Variants in DENND3 observed in about 807,000 individuals in gnomAD.
DENND3 encodes the protein DENN domain-containing protein 3.
A neutral mutation model predicts 135.1 loss-of-function variants in DENND3; 88 were observed. The observed-to-expected ratio is 0.65, with a 90% CI of 0.55 to 0.78. The LOEUF (loss-of-function observed/expected upper bound fraction) is 0.78. Among genes scored for constraint, DENND3 ranks in the 30% least tolerant of loss-of-function variants. DENND3 has a pLI of 0.00. For missense variants in DENND3, 1,392 were observed against 1,688.4 expected, an observed-to-expected ratio of 0.82 and a Z score of 3.08; for synonymous variants, 693 against 712.3, an observed-to-expected ratio of 0.97 and a Z score of 0.43.
Position 141,182,285 on chromosome 8 carries a change from T to C in DENND3, c.2944+1431T>C. The C allele has an allele frequency of 2.0e-6, 2 of 985,012 alleles. No homozygotes were observed. The highest frequency in any genetic ancestry group is 1.1e-4 in the East Asian group (1 of 8,810). 61.0% of individuals were successfully genotyped at this position (985,012 alleles called of 1,614,324 possible). A position where few individuals can be genotyped will look rare whatever the true frequency, so the allele number is the denominator to read the frequency against. The stretch of plus-strand genomic sequence containing the variant: ...GGCAGAGAAGCTGTGTGTGAAGCGA[T>C]TTCCCCATAAGAGAGTTTTTCTCTC... On this transcript the variant is annotated intron_variant, in intron 17 of 22. Coordinates refer to ENST00000519811, the MANE Select transcript of DENND3 (RefSeq NM_001352890.3). The surrounding 1 kb of genome is among the most constrained non-coding windows in gnomAD (Gnocchi z 5.9).
At chr8:141,169,505 G>A (rs147169758) in intron 13 of DENND3, among the ~76,000 whole-genome samples, 49 of 152,352 alleles carry the variant, frequency 3.2e-4, no homozygotes, top group Middle Eastern at 3.4e-3. Context: ...AAGCGGGGAC[G>A]TGGGACAAAT....
intron 19 of DENND3, among the ~76,000 whole-genome samples, 180 bp from the exon 20 acceptor site, chr8:141,190,104 T>TTGC (rs1209960631): frequency 2.5e-5 from 3 of 121,528 alleles, no homozygotes; most frequent in Non-Finnish European, 5.2e-5. Context: ...TGCATGTTAT[T>TTGC]ATCATGTTTG....
Position 141,175,618 on chromosome 8 carries a change from G to C in DENND3, c.2535+159G>C. 1 of 1,124,166 alleles carries C rather than the reference G, an allele frequency of 8.9e-7. No homozygotes were observed. Among genetic ancestry groups the C allele is most frequent in the Admixed American group, 2.0e-5 (1 of 50,996 alleles). The allele number at this position is 1,124,166 out of a possible 1,614,324, so 69.6% of individuals were successfully genotyped here. A position where few individuals can be genotyped will look rare whatever the true frequency, so the allele number is the denominator to read the frequency against. On this transcript the variant is annotated intron_variant, in intron 14 of 22. Coordinates refer to ENST00000519811, the MANE Select transcript of DENND3 (RefSeq NM_001352890.3). This position sits in a 1 kb window ranked among gnomAD's most constrained non-coding sequence, Gnocchi z 5.4. Reference sequence around the variant, plus strand: ...GTCCCTCAGTTTGCTCATCTGTAAAGTAGGAATAAGGCTGATACCTTCTCA... The same window carrying C: ...GTCCCTCAGTTTGCTCATCTGTAAACTAGGAATAAGGCTGATACCTTCTCA...
chr8:141,128,847 A>G lies in DENND3; in HGVS notation c.102+38A>G. The stretch of plus-strand genomic sequence containing the variant: ...GAAACTGAGGCGGACGTGGGCCACG[A>G]GTCGGCAGCCGGGACAGCAGTCGGA... On this transcript the variant is annotated intron_variant, in intron 1 of 22. Coordinates refer to ENST00000519811, the MANE Select transcript of DENND3 (RefSeq NM_001352890.3). This position sits in a 1 kb window ranked among gnomAD's most constrained non-coding sequence, Gnocchi z 4.5. The G allele has an allele frequency of 7.5e-7, 1 of 1,334,526 alleles. No individual in the cohort carries two copies. The highest frequency in any genetic ancestry group is 9.7e-7 in the Non-Finnish European group (1 of 1,029,636). The allele number at this position is 1,334,526 out of a possible 1,614,324, so 82.7% of individuals were successfully genotyped here.
At chr8:141,134,163 G>T (rs761967213) in intron 1 of DENND3, among the ~76,000 whole-genome samples, 3 of 152,180 alleles carry the variant, frequency 2.0e-5, no homozygotes, top group Non-Finnish European at 4.4e-5. Flanking sequence ...AGTTGGGTCA[G>T]AACTGTCCAT....
intron 7 of DENND3, among the ~76,000 whole-genome samples, chr8:141,153,092 CTTTTT>C (rs35650187): frequency 4.2e-5 from 5 of 119,368 alleles, no homozygotes; most frequent in Admixed American, 8.4e-5. Flanking sequence ...CAATATCTTT[CTTTTT>C]TTTTTTTTTT....
chr8:141,189,975 C>G (rs117076582), intron 19 of DENND3, among the ~76,000 whole-genome samples: 12 of 152,300 alleles, frequency 7.9e-5, no homozygotes, highest in African/African-American at 9.6e-5. Context: ...ATGACAACAC[C>G]TCATTGAGCC....
At chr8:141,163,547 T>C (rs1820398801) in intron 10 of DENND3, 118 bp downstream of exon 10, 3 of 608,572 alleles carry the variant, frequency 4.9e-6, no homozygotes, top group Non-Finnish European at 8.4e-6. Context: ...AAAAGTTTGT[T>C]TTAGCATGGT....
In DENND3 at chr8:141,195,209, AATGTT is replaced by A. The variant is rs1217797439; in HGVS notation, c.*977_*981del. On this transcript the variant is annotated 3_prime_UTR_variant, in exon 23 of 23. Transcript: ENST00000519811. Reference sequence around the variant, plus strand: ...GAGACCCTTTGCACCTTTTTACTGTAATGTTGAGACTTCATTACTTAAATGTTCTA... The same window carrying A: ...GAGACCCTTTGCACCTTTTTACTGTAGAGACTTCATTACTTAAATGTTCTA... 3 of 152,370 alleles carry A rather than the reference AATGTT, an allele frequency of 2.0e-5. No individual in the cohort carries two copies. The highest frequency in any genetic ancestry group is 3.9e-4 in the East Asian group (2 of 5,180). The allele number at this position is 152,370 out of a possible 1,614,324, so 9.4% of individuals were successfully genotyped here.
intron 9 of DENND3, among the ~76,000 whole-genome samples, chr8:141,162,483 T>C (rs1359477017): frequency 6.6e-6 from 1 of 152,198 alleles, no homozygotes; most frequent in African/African-American, 2.4e-5. Flanking sequence ...TTATTTCCCC[T>C]AGATGAAATA....
chr8:141,160,486 A>T, intron 8 of DENND3, 146 bp from the exon 9 acceptor site: 1 of 1,033,430 alleles, frequency 9.7e-7, no homozygotes, highest in Non-Finnish European at 1.3e-6. Flanking sequence ...AGCCCCAGTG[A>T]TGTACTTTAA....
At chr8:141,170,698 C>T (rs980176320) in intron 13 of DENND3, among the ~76,000 whole-genome samples, 2 of 152,194 alleles carry the variant, frequency 1.3e-5, no homozygotes, top group African/African-American at 4.8e-5. Context: ...GGATGATGAG[C>T]ACCACCCAGG....
At chr8:141,169,489 A>G (rs1251789596) in intron 13 of DENND3, among the ~76,000 whole-genome samples, 1 of 152,230 alleles carries the variant, frequency 6.6e-6, no homozygotes, top group Non-Finnish European at 1.5e-5. Flanking sequence ...CTGCAGACAC[A>G]TGCAAAAGCG....
Position 141,166,308 on chromosome 8 carries a change from G to A in DENND3, c.1672G>A (p.Asp558Asn), listed in dbSNP as rs1219509726. 6.2e-7 allele frequency: 1 copy of A among 1,613,864 alleles called. No homozygotes were observed. The highest frequency in any genetic ancestry group is 8.5e-7 in the Non-Finnish European group (1 of 1,180,050). Residue 558 changes from aspartate to asparagine, a missense_variant, in exon 12 of 23, where the codon GAC becomes AAC. Transcript: ENST00000519811. The surrounding 1 kb of genome is among the most constrained non-coding windows in gnomAD (Gnocchi z 4.3). ...GGTGGTCAGCATGCCCAACCTGCAGGACATTGCCATGCCTGAGCTGGCACC... is the reference window on the plus strand; with the variant it reads ...GGTGGTCAGCATGCCCAACCTGCAGAACATTGCCATGCCTGAGCTGGCACC... Reference protein sequence around the residue: ...RMVVSMPNLQDIAMPELAPRN... With the variant: ...RMVVSMPNLQNIAMPELAPRN...
chr8:141,191,975 C>T (rs1283091436), intron 20 of DENND3: 2 of 183,442 alleles, frequency 1.1e-5, no homozygotes, highest in Non-Finnish European at 2.3e-5. Context: ...AACTATGATA[C>T]TGCTTCATGG....
chr8:141,158,251 A>C (rs1819688732), intron 8 of DENND3: 1 of 1,289,226 alleles, frequency 7.8e-7, no homozygotes, highest in African/African-American at 1.5e-5. Context: ...ACTTTGAAGG[A>C]GACACGTGCT....
intron 2 of DENND3, 99 bp downstream of exon 2, chr8:141,136,890 C>T (rs767891263): frequency 8.5e-5 from 114 of 1,344,500 alleles, no homozygotes; most frequent in Non-Finnish European, 1.0e-4. Flanking sequence ...GTGACGTGAG[C>T]GGCAGAGCCA....
intron 18 of DENND3, 91 bp from the exon 19 acceptor site, chr8:141,188,895 G>A (rs1023810426): frequency 1.1e-5 from 17 of 1,487,764 alleles, no homozygotes; most frequent in Admixed American, 7.1e-5. Context: ...TTCCATATCC[G>A]CTAATTCAGC....
intron 9 of DENND3, among the ~76,000 whole-genome samples, chr8:141,162,975 G>A (rs753706016): frequency 5.3e-5 from 8 of 152,230 alleles, no homozygotes; most frequent in South Asian, 2.1e-4. Flanking sequence ...GCTGGCGGCC[G>A]AGCTGGTCAG....
Sources: gnomAD v4.1 joint callset for allele counts (sites outside exome capture counted in the v4.1 genomes callset) on GRCh38, gnomAD v4.1.1 for gene constraint, Gnocchi (gnomAD v3.1) non-coding constraint, MANE v1.5 for transcripts, NCBI Gene and HGNC (gene_info 2026-07-23, HGNC 2026-07-21) for gene names.